Variants in PPM1H observed in about 807,000 individuals in gnomAD.
The protein encoded by PPM1H is protein phosphatase 1H.
In PPM1H, 27 loss-of-function variants were observed where a neutral mutation model predicts 54.9. That is an observed-to-expected ratio of 0.49 (90% CI 0.36 to 0.68). The LOEUF (loss-of-function observed/expected upper bound fraction) is 0.68. Among genes scored for constraint, PPM1H ranks in the 30% least tolerant of loss-of-function variants. The probability of loss-of-function intolerance (pLI) is 0.00; values close to 1 mark genes in which losing one functional copy is unlikely to be tolerated. For synonymous variants in PPM1H, 305 were observed against 270.8 expected (o/e 1.13, Z -1.24); for missense variants, 596 against 667.8 (o/e 0.89, Z 1.19).
intron 5 of PPM1H, among the ~76,000 whole-genome samples, chr12:62,733,014 C>A (rs2076331293): frequency 6.6e-6 from 1 of 152,154 alleles, no homozygotes; most frequent in African/African-American, 2.4e-5. Context: ...ATTACACGCA[C>A]TTAAAATTAT....
intron 8 of PPM1H, among the ~76,000 whole-genome samples, chr12:62,675,504 G>T (rs2136621493): frequency 6.6e-6 from 1 of 152,294 alleles, no homozygotes; most frequent in Non-Finnish European, 1.5e-5. Context: ...AGCATCAGAA[G>T]AAATCCCAGC....
chr12:62,658,186 T>TTTTTTTTG (rs2075857752), intron 9 of PPM1H, among the ~76,000 whole-genome samples: 1 of 86,038 alleles, frequency 1.2e-5, no homozygotes, highest in African/African-American at 4.3e-5. Context: ...CGGTGAATTT[T>TTTTTTTTG]TTTTTTTTTT....
Position 62,771,295 on chromosome 12 carries a change from G to GACACACACACAC in PPM1H, c.869+16919_869+16930dup, listed in dbSNP as rs4026219. On this transcript the variant is annotated intron_variant, in intron 4 of 9. Coordinates refer to ENST00000228705, the MANE Select transcript of PPM1H (RefSeq NM_020700.2). ...AAATTATCATTATAAACTTTGTGAA[G>GACACACACACAC]ACACACACACACACACACACACACA... is the stretch of plus-strand genomic sequence containing the variant. 1.4e-4 allele frequency among the ~76,000 whole-genome samples: 18 copies of GACACACACACAC among 131,966 alleles called. No homozygotes were observed. The South Asian group carries it at 3.1e-3, about 23-fold the overall frequency. 86.6% of individuals were successfully genotyped at this position (131,966 alleles called of 152,430 possible). A position where few individuals can be genotyped will look rare whatever the true frequency, so the allele number is the denominator to read the frequency against.
intron 1 of PPM1H, among the ~76,000 whole-genome samples, chr12:62,888,358 A>G (rs2121070458): frequency 6.6e-6 from 1 of 152,290 alleles, no homozygotes; most frequent in East Asian, 1.9e-4. Context: ...GTTTCAGTCA[A>G]GGGTCTGGAA....
intron 1 of PPM1H, among the ~76,000 whole-genome samples, chr12:62,923,742 C>T (rs1348927964): frequency 6.6e-6 from 1 of 152,058 alleles, no homozygotes; most frequent in Non-Finnish European, 1.5e-5. Flanking sequence ...AAAATAATTC[C>T]GAGTTATAAT....
At chr12:62,724,521 A>C (rs2076279565) in intron 5 of PPM1H, among the ~76,000 whole-genome samples, 1 of 152,160 alleles carries the variant, frequency 6.6e-6, no homozygotes. Flanking sequence ...TGATAACTGC[A>C]GGGGCCACCT....
rs1195646209 is a variant in PPM1H, at chr12:62,935,043, C to G, written c.-307G>C. The stretch of plus-strand genomic sequence containing the variant: ...CAGGCGGCTGCAGCTGCAGCAGGTC[C>G]CTTCCCCGCCCCCTGCGCTCGGCTC... On this transcript the variant is annotated 5_prime_UTR_variant, in exon 1 of 10. Coordinates refer to ENST00000228705, the MANE Select transcript of PPM1H (RefSeq NM_020700.2). 1 of 188,756 alleles carries G rather than the reference C, an allele frequency of 5.3e-6. No homozygotes were observed. Among genetic ancestry groups the G allele is most frequent in the Non-Finnish European group, 1.1e-5 (1 of 92,570 alleles). The allele number at this position is 188,756 out of a possible 1,614,324, so 11.7% of individuals were successfully genotyped here. A position where few individuals can be genotyped will look rare whatever the true frequency, so the allele number is the denominator to read the frequency against.
At chr12:62,696,030 G>C (rs1295821634) in intron 6 of PPM1H, among the ~76,000 whole-genome samples, 1 of 152,146 alleles carries the variant, frequency 6.6e-6, no homozygotes, top group Non-Finnish European at 1.5e-5. Flanking sequence ...ACATTCACAG[G>C]AATTAAATAG....
intron 5 of PPM1H, among the ~76,000 whole-genome samples, chr12:62,730,629 G>A (rs1337292872): frequency 4.0e-5 from 6 of 151,818 alleles, no homozygotes; most frequent in Admixed American, 1.3e-4. Flanking sequence ...ATCAAAATAC[G>A]AATTTTCCGT....
At chr12:62,855,373 G>T (rs892790354) in intron 1 of PPM1H, among the ~76,000 whole-genome samples, 4 of 152,140 alleles carry the variant, frequency 2.6e-5, no homozygotes, top group Non-Finnish European at 4.4e-5. Flanking sequence ...GTTGAGGAAG[G>T]CAGAAAGGGG....
At chr12:62,675,204 G>A (rs2075979035) in intron 8 of PPM1H, among the ~76,000 whole-genome samples, 2 of 152,118 alleles carry the variant, frequency 1.3e-5, no homozygotes, top group African/African-American at 2.4e-5. Context: ...GACTTTGGAG[G>A]GTAGATACGA....
intron 1 of PPM1H, among the ~76,000 whole-genome samples, chr12:62,909,776 G>A (rs938295502): frequency 5.9e-5 from 9 of 152,120 alleles, no homozygotes; most frequent in Non-Finnish European, 1.2e-4. Context: ...GCTGTCTGTG[G>A]GCAGAGACTG....
intron 9 of PPM1H, among the ~76,000 whole-genome samples, chr12:62,652,488 C>A (rs1298353048): frequency 3.3e-5 from 5 of 152,160 alleles, no homozygotes; most frequent in Non-Finnish European, 5.9e-5. Context: ...AACTGGTAGA[C>A]CTGTACCTAT....
chr12:62,856,053 G>C (rs1869374212), intron 1 of PPM1H, among the ~76,000 whole-genome samples: 1 of 152,194 alleles, frequency 6.6e-6, no homozygotes, highest in Non-Finnish European at 1.5e-5. Flanking sequence ...TCTTGGCTCT[G>C]TGCAAGCACT....
intron 8 of PPM1H, among the ~76,000 whole-genome samples, chr12:62,677,366 A>G (rs964348637): frequency 6.6e-6 from 1 of 152,184 alleles, no homozygotes; most frequent in Non-Finnish European, 1.5e-5. Flanking sequence ...GGCAATGAGG[A>G]GGAGAGAAGA....
At chr12:62,830,941 C>T (rs1052514807) in intron 2 of PPM1H, among the ~76,000 whole-genome samples, 2 of 152,056 alleles carry the variant, frequency 1.3e-5, no homozygotes, top group African/African-American at 4.8e-5. Flanking sequence ...GCAAGCTCTG[C>T]CTCCTGGGTT....
chr12:62,648,753 CT>C, intron 9 of PPM1H, 117 bp from the exon 10 acceptor site: 1 of 1,136,696 alleles, frequency 8.8e-7, no homozygotes, highest in Non-Finnish European at 1.2e-6. Context: ...TTCAAATACA[CT>C]TACAATACGA....
At chr12:62,839,884 A>AAAAAAAACAAAAAAC (rs1555200469) in intron 1 of PPM1H, among the ~76,000 whole-genome samples, 7 of 150,272 alleles carry the variant, frequency 4.7e-5, no homozygotes, top group African/African-American at 1.7e-4. Flanking sequence ...CAAAAAAAAA[A>AAAAAAAACAAAAAAC]AAAAAACACC....
At chr12:62,808,122 G>A (rs1161584877) in intron 2 of PPM1H, among the ~76,000 whole-genome samples, 4 of 152,304 alleles carry the variant, frequency 2.6e-5, no homozygotes, top group South Asian at 4.1e-4. Flanking sequence ...ATGAGCCACC[G>A]TGTCTGGCCA....
Sources: gnomAD v4.1 joint callset for allele counts (sites outside exome capture counted in the v4.1 genomes callset) on GRCh38, gnomAD v4.1.1 for gene constraint, MANE v1.5 for transcripts, NCBI Gene and HGNC (gene_info 2026-07-23, HGNC 2026-07-21) for gene names.